Variants in IQSEC1 observed in about 807,000 individuals in gnomAD.
IQSEC1 encodes IQ motif and Sec7 domain ArfGEF 1.
IQSEC1 carries 31 observed loss-of-function variants against 91.0 expected under a neutral mutation model. The ratio of observed to expected loss-of-function variants is 0.34; its 90% CI spans 0.26 to 0.46. The LOEUF is 0.46. Among genes scored for constraint, IQSEC1 ranks in the 20% least tolerant of loss-of-function variants. The pLI, the probability that IQSEC1 is intolerant of heterozygous loss-of-function variation, is 1.00. For missense variants in IQSEC1, 1,388 were observed against 1,575.6 expected, an observed-to-expected ratio of 0.88 and a Z score of 2.02; for synonymous variants, 699 against 662.6, an observed-to-expected ratio of 1.05 and a Z score of -0.84.
rs114886771 is a variant in IQSEC1, at chr3:13,280,881, G to T, written c.272+1830C>A. On this transcript the variant is annotated intron_variant, in intron 1 of 15. Coordinates refer to the IQSEC1 transcript ENST00000648114. Reference sequence around the variant, plus strand: ...TTGGCTGTGTCTCCACTAAGGGGAAGCCAGGTGGACACAGAACCAGGGACT... The same window carrying T: ...TTGGCTGTGTCTCCACTAAGGGGAATCCAGGTGGACACAGAACCAGGGACT... Among the ~76,000 whole-genome samples, 1,466 of 152,358 alleles carry T rather than the reference G, an allele frequency of 9.6e-3. 26 individuals are homozygous for T. Among genetic ancestry groups the T allele is most frequent in the African/African-American group, 0.034 (1,400 of 41,578 alleles).
At chr3:13,245,948 T>C (rs1414685513) in intron 1 of IQSEC1, among the ~76,000 whole-genome samples, 2 of 152,132 alleles carry the variant, frequency 1.3e-5, no homozygotes, top group East Asian at 3.9e-4. Context: ...TCTATTATCA[T>C]GGACCTGAAC....
chr3:12,998,615 C>T (rs1702307384), intron 1 of IQSEC1, among the ~76,000 whole-genome samples: 2 of 151,524 alleles, frequency 1.3e-5, no homozygotes, highest in African/African-American at 4.9e-5. Flanking sequence ...AGCAAGGGTC[C>T]CTCTTAAAAA....
Position 12,909,250 on chromosome 3 carries a change from T to C in IQSEC1, c.2578+23A>G. 6.2e-7 allele frequency: 1 copy of C among 1,610,068 alleles called. No individual in the cohort carries two copies. The highest frequency in any genetic ancestry group is 8.5e-7 in the Non-Finnish European group (1 of 1,176,814). Reference sequence around the variant, plus strand: ...CAGAGTCTGGCAAGTCTCGGCCTTCTGTCCATGAGGCCTGGTACTCACACT... The same window carrying C: ...CAGAGTCTGGCAAGTCTCGGCCTTCCGTCCATGAGGCCTGGTACTCACACT... On this transcript the variant is annotated intron_variant, in intron 11 of 13. Coordinates refer to ENST00000613206, the MANE Select transcript of IQSEC1 (RefSeq NM_001134382.3). The surrounding 1 kb of genome is among the most constrained non-coding windows in gnomAD (Gnocchi z 4.9).
chr3:13,197,905 T>C (rs1219903075), intron 1 of IQSEC1, among the ~76,000 whole-genome samples: 2 of 152,200 alleles, frequency 1.3e-5, no homozygotes, highest in African/African-American at 4.8e-5. Context: ...CTGAGTGGCC[T>C]GCCCAAGGCT....
chr3:12,961,435 T>G (rs914074646), intron 1 of IQSEC1, among the ~76,000 whole-genome samples: 2 of 152,248 alleles, frequency 1.3e-5, no homozygotes, highest in African/African-American at 4.8e-5. Flanking sequence ...TTAATACCCT[T>G]AACCATCCAC....
In IQSEC1 at chr3:12,913,488, G is replaced by C; in HGVS notation, c.2256C>G (p.Asn752Lys). 6.2e-7 allele frequency: 1 copy of C among 1,608,346 alleles called. No individual in the cohort carries two copies. Among genetic ancestry groups the C allele is most frequent in the Non-Finnish European group, 8.5e-7 (1 of 1,176,456 alleles). ...YCRLFEVPDP[N>K]KPQKLGLHQR... is the part of the protein sequence containing the mutation. ...GGTGTAGTCCGAGTTTCTGGGGCTTGTTTGGGTCTGGAACCTCAAAGAGCC... is the reference window on the plus strand; with the variant it reads ...GGTGTAGTCCGAGTTTCTGGGGCTTCTTTGGGTCTGGAACCTCAAAGAGCC... The change falls in exon 9 of 14, where the codon AAC (asparagine) becomes AAG (lysine). Residue 752 changes from asparagine (N) to lysine (K), a missense_variant. Physicochemically the swap from Asn to Lys is moderately conservative, Grantham distance 94 (BLOSUM62 0). This residue lies in a region of IQSEC1 where 1,059 missense variants were observed against 1,317.8 expected (regional missense o/e 0.80). Coordinates refer to ENST00000613206, the MANE Select transcript of IQSEC1 (RefSeq NM_001134382.3).
chr3:13,022,281 C>G, intron 1 of IQSEC1: 1 of 1,217,352 alleles, frequency 8.2e-7, no homozygotes, highest in East Asian at 3.2e-5. Flanking sequence ...CTGGCTGCCA[C>G]AGGCCACTGC....
chr3:13,112,196 C>T (rs945803787), intron 2 of IQSEC1, among the ~76,000 whole-genome samples: 6 of 152,224 alleles, frequency 3.9e-5, no homozygotes, highest in African/African-American at 1.2e-4. Context: ...AGGGAGTTAG[C>T]GGCTTCCTCC....
chr3:12,932,629 G>A (rs1291878393), intron 3 of IQSEC1, among the ~76,000 whole-genome samples: 3 of 152,314 alleles, frequency 2.0e-5, no homozygotes, highest in East Asian at 3.9e-4. Flanking sequence ...TGGCACTCTG[G>A]ACACAGAAGC....
At chr3:13,108,465 G>A (rs758645140) in intron 2 of IQSEC1, among the ~76,000 whole-genome samples, 6 of 151,920 alleles carry the variant, frequency 3.9e-5, no homozygotes, top group Non-Finnish European at 5.9e-5. Flanking sequence ...CAGACACCAC[G>A]TCCCATTTGT....
At chr3:12,917,402 C>A (rs1251945064) in intron 6 of IQSEC1, among the ~76,000 whole-genome samples, 1 of 152,198 alleles carries the variant, frequency 6.6e-6, no homozygotes, top group Non-Finnish European at 1.5e-5. Context: ...GCATACCCAT[C>A]CTCCCCTTCC....
intron 1 of IQSEC1, among the ~76,000 whole-genome samples, chr3:13,268,780 A>G (rs1012271933): frequency 1.3e-5 from 2 of 152,112 alleles, no homozygotes; most frequent in Non-Finnish European, 2.9e-5. Flanking sequence ...CATTCAAAAT[A>G]TGTCATTTTA....
chr3:12,938,981 G>A (rs1039734825), intron 2 of IQSEC1, among the ~76,000 whole-genome samples: 12 of 152,282 alleles, frequency 7.9e-5, no homozygotes, highest in African/African-American at 2.6e-4. Context: ...CTTCTTTCTG[G>A]GATGGAACTA....
chr3:13,081,547 G>A (rs1705647170), intron 2 of IQSEC1, among the ~76,000 whole-genome samples: 1 of 152,192 alleles, frequency 6.6e-6, no homozygotes, highest in Non-Finnish European at 1.5e-5. Flanking sequence ...AGGATTATAG[G>A]CATGAGCCAC....
chr3:13,200,836 T>C (rs923811228), intron 1 of IQSEC1, among the ~76,000 whole-genome samples: 3 of 152,186 alleles, frequency 2.0e-5, no homozygotes, highest in Admixed American at 2.0e-4. Flanking sequence ...TCTCTGTGCT[T>C]CCTTGTTCTC....
intron 1 of IQSEC1, among the ~76,000 whole-genome samples, chr3:13,249,328 C>A (rs1013743429): frequency 1.3e-5 from 2 of 151,878 alleles, no homozygotes; most frequent in African/African-American, 2.4e-5. Flanking sequence ...CCCGCCAGCA[C>A]GCCCGGCTAA....
rs540585424 is a variant in IQSEC1 at position 13,080,198 on chromosome 3, G to A, written c.303-32676C>T. ...TGTGATTAAATAGATCCCCTCATGG[G>A]GGAAGGATTAGTGGGGAGAGATTAG... On this transcript the variant is annotated intron_variant, in intron 2 of 15. Transcript: ENST00000648114. Among the ~76,000 whole-genome samples, 7 of 152,350 alleles carry A rather than the reference G, an allele frequency of 4.6e-5. No homozygotes were observed. In the South Asian group the frequency reaches 1.2e-3, roughly 27 times the overall value.
At chr3:12,904,067 G>A (rs533540359) in intron 12 of IQSEC1, among the ~76,000 whole-genome samples, 10 of 152,284 alleles carry the variant, frequency 6.6e-5, no homozygotes, top group Admixed American at 1.3e-4. Context: ...ACTGTGCCCC[G>A]TCCCCAGCCT....
At chr3:13,199,051 T>C (rs962103593) in intron 1 of IQSEC1, among the ~76,000 whole-genome samples, 4 of 152,086 alleles carry the variant, frequency 2.6e-5, no homozygotes, top group Non-Finnish European at 5.9e-5. Flanking sequence ...ATAAAGGGTG[T>C]GGTCAGTCAC....
Sources: allele counts gnomAD v4.1 joint callset (sites outside exome capture counted in the v4.1 genomes callset), GRCh38; gene constraint gnomAD v4.1.1; regional missense constraint gnomAD v4.1.1; non-coding constraint Gnocchi (gnomAD v3.1); transcripts MANE v1.5; gene names NCBI Gene and HGNC (gene_info 2026-07-23, HGNC 2026-07-21).